The following PTGER3 variants were observed in gnomAD, a reference collection of about 807,000 sequenced individuals.
The protein encoded by PTGER3 is prostaglandin E2 receptor EP3 subtype.
A neutral mutation model predicts 34.7 loss-of-function variants in PTGER3; 22 were observed. The ratio of observed to expected loss-of-function variants is 0.63; its 90% CI spans 0.45 to 0.91. The LOEUF is 0.91. Among genes scored for constraint, PTGER3 ranks in the 40% least tolerant of loss-of-function variants. The probability of loss-of-function intolerance (pLI) is 0.00; values close to 1 mark genes in which losing one functional copy is unlikely to be tolerated. For missense variants in PTGER3, 468 were observed against 519.4 expected (o/e 0.90, Z 0.96); for synonymous variants, 241 against 230.1 (o/e 1.05, Z -0.43).
At chr1:70,880,577 C>G (rs1162317850) in intron 4 of PTGER3, among the ~76,000 whole-genome samples, 1 of 151,148 alleles carries the variant, frequency 6.6e-6, no homozygotes, top group African/African-American at 2.4e-5. Context: ...GTAATCCCAG[C>G]TATTCAGGAG....
At chr1:70,969,977 T>G (rs1213212883), downstream of PTGER3, among the ~76,000 whole-genome samples, 7 of 152,180 alleles carry the variant, frequency 4.6e-5, no homozygotes. Flanking sequence ...CAATTAACTT[T>G]CTCAGAGTCA....
At chr1:70,899,631 A>G (rs1022424497) in intron 4 of PTGER3, among the ~76,000 whole-genome samples, 7 of 152,032 alleles carry the variant, frequency 4.6e-5, no homozygotes, top group Non-Finnish European at 8.8e-5. Context: ...TTTACTCTTA[A>G]GGAGCTTTTC....
intron 4 of PTGER3, among the ~76,000 whole-genome samples, chr1:70,895,472 A>C (rs1646705049): frequency 6.6e-6 from 1 of 152,220 alleles, no homozygotes; most frequent in African/African-American, 2.4e-5. Context: ...ACAACTACAA[A>C]ATCATTTACA....
chr1:70,933,819 T>C (rs925009410), intron 4 of PTGER3, among the ~76,000 whole-genome samples: 1 of 152,020 alleles, frequency 6.6e-6, no homozygotes, highest in African/African-American at 2.4e-5. Flanking sequence ...GTAATGGAAG[T>C]TTTTTTTAAC....
intron 4 of PTGER3, chr1:70,884,090 A>G (rs1168327085): frequency 2.7e-6 from 1 of 376,982 alleles, no homozygotes; most frequent in African/African-American, 2.2e-5. Context: ...CCATCTCAAA[A>G]CAAACAAACA....
At chr1:70,990,645 T>G (rs1436288590) in intron 2 of PTGER3, among the ~76,000 whole-genome samples, 1 of 152,004 alleles carries the variant, frequency 6.6e-6, no homozygotes, top group Non-Finnish European at 1.5e-5. Context: ...TACACCTGGC[T>G]AATTTTTATG....
intron 2 of PTGER3, chr1:71,010,812 C>G: frequency 8.1e-6 from 8 of 984,896 alleles, no homozygotes; most frequent in Non-Finnish European, 9.6e-6. Flanking sequence ...AAATAATTAG[C>G]CCCAATTGAC....
intron 2 of PTGER3, among the ~76,000 whole-genome samples, chr1:70,954,264 C>G (rs950550835): frequency 1.3e-5 from 2 of 152,146 alleles, no homozygotes; most frequent in African/African-American, 4.8e-5. Flanking sequence ...GAGGATCCAT[C>G]TAGCTTAATT....
Position 70,964,704 on chromosome 1 carries a change from G to A in PTGER3, c.1078-10915C>T, listed in dbSNP as rs1435920923. ...GGGACAGAGCCAAACCATATCAAGCGGTTATTCAGAAAATGTGACTAACTA... is the reference window on the plus strand; with the variant it reads ...GGGACAGAGCCAAACCATATCAAGCAGTTATTCAGAAAATGTGACTAACTA... On this transcript the variant is annotated intron_variant, in intron 2 of 3. Coordinates refer to the PTGER3 transcript ENST00000356595. 3.3e-5 allele frequency among the ~76,000 whole-genome samples: 5 copies of A among 152,118 alleles called. 1 individual carries two copies. The highest frequency in any genetic ancestry group is 4.1e-4 in the South Asian group (2 of 4,822).
At chr1:70,961,681 T>C (rs1651947053) in intron 2 of PTGER3, among the ~76,000 whole-genome samples, 1 of 152,238 alleles carries the variant, frequency 6.6e-6, no homozygotes, top group African/African-American at 2.4e-5. Context: ...TATTTACGTG[T>C]GAGTTATGCT....
chr1:70,866,112 G>A (rs1220220386), intron 4 of PTGER3, among the ~76,000 whole-genome samples: 2 of 152,044 alleles, frequency 1.3e-5, no homozygotes, highest in Non-Finnish European at 2.9e-5. Context: ...CTGTCTGAAC[G>A]CCCGTCTTAA....
chr1:70,897,827 A>G (rs1646752717), intron 4 of PTGER3, among the ~76,000 whole-genome samples: 1 of 152,160 alleles, frequency 6.6e-6, no homozygotes, highest in Non-Finnish European at 1.5e-5. Flanking sequence ...CTGTGCTGTT[A>G]TTGACTTCAA....
intron 1 of PTGER3, among the ~76,000 whole-genome samples, chr1:71,021,711 G>A (rs545464079): frequency 4.6e-5 from 7 of 151,670 alleles, no homozygotes; most frequent in African/African-American, 1.5e-4. Flanking sequence ...CGGAGTGTTC[G>A]TGACAATTAA....
chr1:70,953,547 A>G (rs1009516581), intron 3 of PTGER3, among the ~76,000 whole-genome samples: 1 of 152,146 alleles, frequency 6.6e-6, no homozygotes, highest in Non-Finnish European at 1.5e-5. Context: ...ACCTTTTGTC[A>G]TTTTTAAATG....
intron 1 of PTGER3, among the ~76,000 whole-genome samples, chr1:71,018,011 C>T (rs373918802): frequency 1.8e-4 from 28 of 152,212 alleles, no homozygotes; most frequent in African/African-American, 6.5e-4. Flanking sequence ...GGAATCCACC[C>T]GTCTCGACCT....
chr1:70,876,126 G>A (rs1646267271), intron 4 of PTGER3, among the ~76,000 whole-genome samples: 1 of 152,040 alleles, frequency 6.6e-6, no homozygotes, highest in Non-Finnish European at 1.5e-5. Flanking sequence ...TTTAGTAAGA[G>A]CCATTCTGAC....
At position 70,928,145 on chromosome 1, in the gene PTGER3, ATT is replaced by A. The variant is rs1648303224; in HGVS notation, c.*23+25616_*23+25617del. Reference sequence around the variant, plus strand: ...CATATATATATATTTATATATATATATTTATAGACATATATATTTTTATAGAC... The same window carrying A: ...CATATATATATATTTATATATATATATATAGACATATATATTTTTATAGAC... On this transcript the variant is annotated intron_variant, in intron 4 of 4. Transcript: ENST00000370931. Among the ~76,000 whole-genome samples, 6 of 147,096 alleles carry A rather than the reference ATT, an allele frequency of 4.1e-5. No homozygotes were observed. In the East Asian group the frequency reaches 5.9e-4, roughly 14 times the overall value.
At chr1:71,040,163 A>T (rs1251268756) in intron 1 of PTGER3, among the ~76,000 whole-genome samples, 1 of 151,394 alleles carries the variant, frequency 6.6e-6, no homozygotes, top group African/African-American at 2.4e-5. Flanking sequence ...AAGAAAAGAG[A>T]GAGGAGGAGA....
chr1:70,857,145 C>T (rs2100451740), intron 4 of PTGER3, among the ~76,000 whole-genome samples: 1 of 152,278 alleles, frequency 6.6e-6, no homozygotes, highest in East Asian at 1.9e-4. Context: ...TTTGTAGTTA[C>T]TTATATTTGT....
Sources: gnomAD v4.1 joint callset for allele counts (sites outside exome capture counted in the v4.1 genomes callset) on GRCh38, gnomAD v4.1.1 for gene constraint, MANE v1.5 for transcripts, NCBI Gene and HGNC (gene_info 2026-07-23, HGNC 2026-07-21) for gene names.